Variants in PPP2R2D observed in about 807,000 individuals in gnomAD.
PPP2R2D encodes serine/threonine-protein phosphatase 2A 55 kDa regulatory subunit B delta isoform.
In PPP2R2D, 9 loss-of-function variants were observed where a neutral mutation model predicts 31.1. The observed-to-expected ratio is 0.29, with a 90% CI of 0.17 to 0.51. The LOEUF (loss-of-function observed/expected upper bound fraction) is 0.51. Ranked by LOEUF, PPP2R2D falls within the 20% of genes least tolerant of loss-of-function variation. The pLI, the probability that PPP2R2D is intolerant of heterozygous loss-of-function variation, is 0.98. For missense variants in PPP2R2D, 391 were observed against 465.6 expected (o/e 0.84, Z 1.48); for synonymous variants, 179 against 172.6 (o/e 1.04, Z -0.29).
intron 2 of PPP2R2D, among the ~76,000 whole-genome samples, chr10:131,916,205 C>T (rs1406550241): frequency 1.3e-5 from 2 of 152,188 alleles, no homozygotes; most frequent in Non-Finnish European, 2.9e-5. Context: ...TGGAGGCGCA[C>T]ACACAGCACC....
In PPP2R2D at chr10:131,947,471, A is replaced by G; in HGVS notation, c.821-59A>G. ...GGGGCCACTTCCTACTTGAACTTGA[A>G]AATGATTTGTTCTCTGATTTTTAAA... is the stretch of plus-strand genomic sequence containing the variant. On this transcript the variant is annotated intron_variant, in intron 7 of 8. Coordinates refer to ENST00000455566, the MANE Select transcript of PPP2R2D (RefSeq NM_018461.5). This position sits in a 1 kb window ranked among gnomAD's most constrained non-coding sequence, Gnocchi z 4.3. 2 of 1,557,590 alleles carry G rather than the reference A, an allele frequency of 1.3e-6. No individual in the cohort carries two copies. The highest frequency in any genetic ancestry group is 2.7e-5 in the African/African-American group (2 of 73,954).
intron 2 of PPP2R2D, among the ~76,000 whole-genome samples, chr10:131,915,355 G>A (rs1589926209): frequency 6.6e-6 from 1 of 152,142 alleles, no homozygotes; most frequent in Non-Finnish European, 1.5e-5. Context: ...TGTACGGGAG[G>A]CTCCGTTGTT....
intron 5 of PPP2R2D, among the ~76,000 whole-genome samples, chr10:131,941,447 G>C (rs1230481491): frequency 1.3e-5 from 2 of 152,142 alleles, no homozygotes; most frequent in Non-Finnish European, 2.9e-5. Context: ...ACCAGCACCT[G>C]TGCAGAGGTG....
the PPP2R2D span, chr10:131,970,939 TCTTTC>T: frequency 2.5e-6 from 4 of 1,614,118 alleles, no homozygotes; most frequent in Non-Finnish European, 3.4e-6. The surrounding 1 kb of genome is among the most constrained non-coding windows in gnomAD (Gnocchi z 4.1). Context: ...GCTTTCAACT[TCTTTC>T]CTTCTTTCAA....
intron 2 of PPP2R2D, among the ~76,000 whole-genome samples, chr10:131,914,712 G>A (rs1042819191): frequency 6.6e-6 from 1 of 152,166 alleles, no homozygotes; most frequent in East Asian, 1.9e-4. Flanking sequence ...GCAGAAGAAC[G>A]GTGACCCCAG....
At chr10:131,909,420 A>G (rs1243905186) in intron 2 of PPP2R2D, among the ~76,000 whole-genome samples, 1 of 152,222 alleles carries the variant, frequency 6.6e-6, no homozygotes, top group Non-Finnish European at 1.5e-5. Context: ...AGTTACTGCA[A>G]TAATAAAGAT....
chr10:131,968,383 T>A, the PPP2R2D span: 2 of 696,576 alleles, frequency 2.9e-6, no homozygotes, highest in Non-Finnish European at 4.8e-6. Context: ...TCTTTTATTT[T>A]ACTAAATTAG....
At chr10:131,969,989 G>A in the PPP2R2D span, 2 of 152,604 alleles carry the variant, frequency 1.3e-5, no homozygotes, top group African/African-American at 4.8e-5. Context: ...GATCAGCCTG[G>A]GCAACGTGGC....
chr10:131,907,536 C>G (rs922889333), intron 2 of PPP2R2D, among the ~76,000 whole-genome samples: 1 of 151,918 alleles, frequency 6.6e-6, no homozygotes, highest in African/African-American at 2.4e-5. Context: ...GTCAGGAGAT[C>G]GAGACCATCC....
chr10:131,942,864 C>T (rs1171820945), intron 5 of PPP2R2D, among the ~76,000 whole-genome samples: 3 of 152,204 alleles, frequency 2.0e-5, no homozygotes, highest in African/African-American at 7.2e-5. Flanking sequence ...AGAACTGACT[C>T]TTCTTGCTCT....
At chr10:131,903,438 G>A (rs903132590) in intron 2 of PPP2R2D, among the ~76,000 whole-genome samples, 27 of 126,802 alleles carry the variant, frequency 2.1e-4, no homozygotes, top group African/African-American at 8.0e-4. Flanking sequence ...TTGCCCTCCA[G>A]CCTGGACAAT....
At chr10:131,906,953 AAAT>A (rs1486847264) in intron 2 of PPP2R2D, among the ~76,000 whole-genome samples, 2 of 151,720 alleles carry the variant, frequency 1.3e-5, no homozygotes, top group South Asian at 2.1e-4. Context: ...AAAAAAGAAA[AAAT>A]AATAATAATT....
chr10:131,901,907 A>G (rs2035506174), intron 2 of PPP2R2D, among the ~76,000 whole-genome samples: 3 of 152,244 alleles, frequency 2.0e-5, no homozygotes, highest in Admixed American at 6.5e-5. Context: ...ACTGTGAGGT[A>G]CTGCTACTTT....
intron 2 of PPP2R2D, among the ~76,000 whole-genome samples, chr10:131,932,084 C>G (rs150255770): frequency 3.3e-5 from 5 of 152,172 alleles, no homozygotes; most frequent in Admixed American, 6.5e-5. Context: ...TGAACACACA[C>G]GCATGGCCCA....
At position 131,956,329 on chromosome 10, in the gene PPP2R2D, T is replaced by A; in HGVS notation, c.*366T>A. 1 of 992,126 alleles carries A rather than the reference T, an allele frequency of 1.0e-6. No individual in the cohort carries two copies. Among genetic ancestry groups the A allele is most frequent in the Non-Finnish European group, 1.2e-6 (1 of 834,608 alleles). The allele number at this position is 992,126 out of a possible 1,614,324, so 61.5% of individuals were successfully genotyped here. On this transcript the variant is annotated 3_prime_UTR_variant, in exon 9 of 9. Coordinates refer to ENST00000455566, the MANE Select transcript of PPP2R2D (RefSeq NM_018461.5). The stretch of plus-strand genomic sequence containing the variant: ...TCAGATACCGCTCTTTCTCCAACTT[T>A]CCCTCTTTCTCTGCCATCACACTTG...
At chr10:131,911,288 A>G (rs1456444634) in intron 2 of PPP2R2D, among the ~76,000 whole-genome samples, 1 of 152,160 alleles carries the variant, frequency 6.6e-6, no homozygotes, top group Non-Finnish European at 1.5e-5. Context: ...GCTGCTGGGG[A>G]GAGGTCCCCA....
intron 2 of PPP2R2D, among the ~76,000 whole-genome samples, chr10:131,929,409 G>A (rs917393371): frequency 6.6e-6 from 1 of 152,204 alleles, no homozygotes; most frequent in Non-Finnish European, 1.5e-5. Flanking sequence ...GCAGTGCTTG[G>A]TTTAGAGCCA....
chr10:131,930,402 A>G (rs1386415977), intron 2 of PPP2R2D, among the ~76,000 whole-genome samples: 3 of 152,190 alleles, frequency 2.0e-5, no homozygotes, highest in African/African-American at 4.8e-5. Flanking sequence ...CAGATCTGCC[A>G]TCTTCCTTCT....
intron 2 of PPP2R2D, among the ~76,000 whole-genome samples, chr10:131,903,597 G>A (rs1245310906): frequency 2.6e-5 from 4 of 151,838 alleles, no homozygotes; most frequent in African/African-American, 7.3e-5. Context: ...TTGGTATTTC[G>A]AGTTGTCGTG....
Sources: gnomAD v4.1 joint callset for allele counts (sites outside exome capture counted in the v4.1 genomes callset) on GRCh38, gnomAD v4.1.1 for gene constraint, Gnocchi (gnomAD v3.1) non-coding constraint, MANE v1.5 for transcripts, NCBI Gene and HGNC (gene_info 2026-07-23, HGNC 2026-07-21) for gene names.